Variants in PTPRM observed in about 807,000 individuals in gnomAD.
The protein encoded by PTPRM is protein tyrosine phosphatase receptor type M, also known as receptor-type tyrosine-protein phosphatase mu.
Under a neutral mutation model 186.7 loss-of-function variants are expected in PTPRM, and 47 were observed. The ratio of observed to expected loss-of-function variants is 0.25; its 90% CI spans 0.20 to 0.32. PTPRM has a LOEUF of 0.32. Ranked by LOEUF, PTPRM falls within the 10% of genes least tolerant of loss-of-function variation. PTPRM has a pLI of 1.00. For synonymous variants in PTPRM, 668 were observed against 674.9 expected (o/e 0.99, Z 0.16); for missense variants, 1,494 against 1,865.0 (o/e 0.80, Z 3.66).
chr18:8,307,452 A>G (rs868292370), intron 20 of PTPRM, among the ~76,000 whole-genome samples: 27 of 152,160 alleles, frequency 1.8e-4, no homozygotes, highest in African/African-American at 6.5e-4. Flanking sequence ...ACCTTATTTT[A>G]TCACTAAAAC....
At chr18:7,733,132 A>G (rs1276833278) in intron 1 of PTPRM, among the ~76,000 whole-genome samples, 1 of 152,156 alleles carries the variant, frequency 6.6e-6, no homozygotes, top group Non-Finnish European at 1.5e-5. Context: ...GGTTTGTTAC[A>G]TAGGTGTACA....
intron 7 of PTPRM, among the ~76,000 whole-genome samples, chr18:8,020,366 G>GT (rs1466839338): frequency 6.6e-6 from 1 of 152,066 alleles, no homozygotes; most frequent in Non-Finnish European, 1.5e-5. Flanking sequence ...AGCCTTTTCA[G>GT]TATTTCTCTA....
rs183169239 is a variant in PTPRM, at chr18:7,985,302, A to C, written c.1132+29888A>C. ...ATATACACATAAATATATACATATAATAGTATATACACATAAATATATACA... is the reference window on the plus strand; with the variant it reads ...ATATACACATAAATATATACATATACTAGTATATACACATAAATATATACA... On this transcript the variant is annotated intron_variant, in intron 7 of 32. Transcript: ENST00000580170. Among the ~76,000 whole-genome samples the C allele has an allele frequency of 1.2e-4, 12 of 103,636 alleles. 1 individual carries two copies. The highest frequency in any genetic ancestry group is 4.1e-4 in the African/African-American group (11 of 26,624). The allele number at this position is 103,636 out of a possible 152,430, so 68.0% of individuals were successfully genotyped here. A position where few individuals can be genotyped will look rare whatever the true frequency, so the allele number is the denominator to read the frequency against.
At chr18:8,402,894 T>A (rs1415666912) in intron 32 of PTPRM, 8 of 152,230 alleles carry the variant, frequency 5.3e-5, no homozygotes, top group Non-Finnish European at 1.5e-5. Context: ...GAAAAAGTGG[T>A]CTATTTAAGG....
chr18:8,232,377 CA>C (rs1413568926), intron 14 of PTPRM, among the ~76,000 whole-genome samples: 1 of 152,164 alleles, frequency 6.6e-6, no homozygotes, highest in African/African-American at 2.4e-5. Flanking sequence ...TGGTTTCTTC[CA>C]AATTGTCAGT....
At chr18:8,159,239 T>A (rs1211413793) in intron 14 of PTPRM, among the ~76,000 whole-genome samples, 8 of 152,196 alleles carry the variant, frequency 5.3e-5, no homozygotes, top group Non-Finnish European at 1.2e-4. Context: ...CTATATTTTC[T>A]TGAATAGTAA....
intron 17 of PTPRM, among the ~76,000 whole-genome samples, chr18:8,250,821 G>T (rs2094521711): frequency 6.6e-6 from 1 of 151,188 alleles, no homozygotes; most frequent in East Asian, 1.9e-4. Context: ...AAAAATTGTT[G>T]ATGGGTAATT....
intron 1 of PTPRM, among the ~76,000 whole-genome samples, chr18:7,632,129 G>T (rs1027706241): frequency 6.6e-6 from 1 of 152,218 alleles, no homozygotes; most frequent in African/African-American, 2.4e-5. Flanking sequence ...CACAAGGGGA[G>T]TTGATCGGAT....
At chr18:8,223,182 C>G (rs183572690) in intron 14 of PTPRM, among the ~76,000 whole-genome samples, 135 of 152,158 alleles carry the variant, frequency 8.9e-4, no homozygotes, top group African/African-American at 3.2e-3. Flanking sequence ...CACGATCGCA[C>G]CACTGCACTC....
At chr18:8,165,428 C>T (rs2093308105) in intron 14 of PTPRM, among the ~76,000 whole-genome samples, 1 of 152,120 alleles carries the variant, frequency 6.6e-6, no homozygotes, top group Non-Finnish European at 1.5e-5. Flanking sequence ...CTACCAGAGA[C>T]CACAGAAATG....
At chr18:7,863,094 T>G (rs1734589471) in intron 2 of PTPRM, among the ~76,000 whole-genome samples, 1 of 152,196 alleles carries the variant, frequency 6.6e-6, no homozygotes, top group Non-Finnish European at 1.5e-5. Context: ...AGGCTTGTCT[T>G]TTTAAGTATA....
chr18:7,991,474 T>A (rs891861175), intron 7 of PTPRM, among the ~76,000 whole-genome samples: 1 of 152,100 alleles, frequency 6.6e-6, no homozygotes, highest in Admixed American at 6.6e-5. Flanking sequence ...TCTAAGGCAA[T>A]CTTCAGAAGT....
At chr18:8,092,791 CCT>C (rs2092904645) in intron 11 of PTPRM, among the ~76,000 whole-genome samples, 1 of 151,976 alleles carries the variant, frequency 6.6e-6, no homozygotes, top group Admixed American at 6.6e-5. Context: ...GTAGCAAGAC[CCT>C]GTCTCTACAA....
chr18:8,052,633 C>T (rs2087590915), intron 7 of PTPRM, among the ~76,000 whole-genome samples: 1 of 152,140 alleles, frequency 6.6e-6, no homozygotes, highest in South Asian at 2.1e-4. Context: ...TTGGGAGATG[C>T]ATGACTGTAT....
At chr18:7,663,196 G>T (rs564304351) in intron 1 of PTPRM, among the ~76,000 whole-genome samples, 2 of 152,262 alleles carry the variant, frequency 1.3e-5, no homozygotes, top group South Asian at 2.1e-4. Context: ...GAAAGGTCAC[G>T]CACTCACTAA....
intron 14 of PTPRM, among the ~76,000 whole-genome samples, chr18:8,221,172 T>C (rs1468201228): frequency 6.6e-6 from 1 of 152,150 alleles, no homozygotes; most frequent in South Asian, 2.1e-4. Flanking sequence ...ATAGCAATGG[T>C]CATGAAGAAA....
chr18:7,574,401 G>C (rs892057269), intron 1 of PTPRM, among the ~76,000 whole-genome samples: 1 of 152,202 alleles, frequency 6.6e-6, no homozygotes, highest in African/African-American at 2.4e-5. Context: ...TTGTTGGCTT[G>C]TTATAATAAG....
chr18:7,989,347 A>T (rs1026678569), intron 7 of PTPRM, among the ~76,000 whole-genome samples: 1 of 152,156 alleles, frequency 6.6e-6, no homozygotes, highest in South Asian at 2.1e-4. Flanking sequence ...CCATATTGCT[A>T]TTATTAGCCC....
chr18:8,214,411 G>T (rs1448270521), intron 14 of PTPRM, among the ~76,000 whole-genome samples: 3 of 152,136 alleles, frequency 2.0e-5, no homozygotes, highest in Non-Finnish European at 2.9e-5. Flanking sequence ...TTGAAAATTT[G>T]AGCAATGGTG....
Sources: allele counts gnomAD v4.1 joint callset (sites outside exome capture counted in the v4.1 genomes callset), GRCh38; gene constraint gnomAD v4.1.1; transcripts MANE v1.5; gene names NCBI Gene and HGNC (gene_info 2026-07-23, HGNC 2026-07-21).